Variants in ABCC5 observed in about 807,000 individuals in gnomAD.
The protein encoded by ABCC5 is ATP binding cassette subfamily C member 5, also known as ATP-binding cassette sub-family C member 5.
ABCC5 carries 61 observed loss-of-function variants against 160.9 expected under a neutral mutation model. That is an observed-to-expected ratio of 0.38 (90% CI 0.31 to 0.47). The LOEUF (loss-of-function observed/expected upper bound fraction) is 0.47. ABCC5 is among the 20% of genes least tolerant of loss of function. The pLI is 0.99. For synonymous variants in ABCC5, 666 were observed against 700.6 expected (o/e 0.95, Z 0.78); for missense variants, 1,308 against 1,813.3 (o/e 0.72, Z 5.06).
chr3:183,984,619 G>C, intron 5 of ABCC5: 1 of 1,407,234 alleles, frequency 7.1e-7, no homozygotes, highest in Non-Finnish European at 9.2e-7. Flanking sequence ...GATCAAATAG[G>C]AGACTTCAGA....
At chr3:183,926,157 T>TTC (rs1342964640) in intron 28 of ABCC5, among the ~76,000 whole-genome samples, 1 of 150,074 alleles carries the variant, frequency 6.7e-6, no homozygotes, top group Non-Finnish European at 1.5e-5. Context: ...TTTTTTTTTT[T>TTC]TCTAAGAAAG....
intron 2 of ABCC5, among the ~76,000 whole-genome samples, chr3:183,991,901 C>T (rs1445855280): frequency 6.6e-6 from 1 of 152,158 alleles, no homozygotes; most frequent in African/African-American, 2.4e-5. Flanking sequence ...ACTAAAAATA[C>T]AAGCACACCT....
intron 8 of ABCC5, among the ~76,000 whole-genome samples, chr3:183,979,001 A>T (rs73046594): frequency 5.8e-4 from 88 of 152,318 alleles, no homozygotes; most frequent in African/African-American, 2.1e-3. Flanking sequence ...TTTTTGCCTA[A>T]GGAATTAATA....
intron 10 of ABCC5, among the ~76,000 whole-genome samples, chr3:183,972,835 G>A (rs1717885921): frequency 6.6e-6 from 1 of 151,902 alleles, no homozygotes; most frequent in South Asian, 2.1e-4. Context: ...TTGTAGAGAT[G>A]GGGTTTCACT....
At chr3:184,000,746 T>C (rs907847253) in intron 2 of ABCC5, 1 of 152,888 alleles carries the variant, frequency 6.5e-6, no homozygotes, top group Non-Finnish European at 1.5e-5. Context: ...ATACTCTGTG[T>C]CTCCATAATT....
At chr3:183,975,128 C>T (rs538399710) in intron 10 of ABCC5, among the ~76,000 whole-genome samples, 69 of 152,230 alleles carry the variant, frequency 4.5e-4, no homozygotes, top group Non-Finnish European at 7.8e-4. Flanking sequence ...ATCCCAGGAA[C>T]AGTTCTGTTG....
At chr3:183,927,057 ATCT>A (rs1484951600) in intron 28 of ABCC5, among the ~76,000 whole-genome samples, 3 of 152,220 alleles carry the variant, frequency 2.0e-5, no homozygotes, top group Admixed American at 2.0e-4. Flanking sequence ...AAAAAAAAAA[ATCT>A]TCTATGTCTA....
At chr3:183,961,772 C>T in intron 15 of ABCC5, 118 bp from the exon 16 acceptor site, 1 of 1,290,932 alleles carries the variant, frequency 7.7e-7, no homozygotes, top group Non-Finnish European at 1.1e-6. Context: ...AGACATTTGG[C>T]AGCATCTGGA....
At chr3:183,957,938 G>A (rs1400633622) in intron 17 of ABCC5, among the ~76,000 whole-genome samples, 34 of 108,632 alleles carry the variant, frequency 3.1e-4, no homozygotes, top group East Asian at 9.5e-4. Flanking sequence ...GGTTACATGC[G>A]GATCCGTGTG....
intron 27 of ABCC5, chr3:183,927,867 A>G: frequency 2.1e-6 from 2 of 962,978 alleles, no homozygotes; most frequent in Non-Finnish European, 2.5e-6. Flanking sequence ...TCAAATGAGA[A>G]GAATCCCGAT....
At chr3:183,942,278 C>A (rs184601395) in intron 25 of ABCC5, among the ~76,000 whole-genome samples, 1 of 152,284 alleles carries the variant, frequency 6.6e-6, no homozygotes, top group East Asian at 1.9e-4. Context: ...AGGTGATCCA[C>A]CCGCCTCGCC....
At chr3:183,936,442 T>G (rs1159952513) in intron 26 of ABCC5, among the ~76,000 whole-genome samples, 1 of 152,154 alleles carries the variant, frequency 6.6e-6, no homozygotes, top group Non-Finnish European at 1.5e-5. Context: ...GTCTGAACAC[T>G]GCCTATGATT....
rs1406190401 is a variant in ABCC5 at position 183,947,387 on chromosome 3, G to T, written c.3351C>A (p.Ile1117=). 1 of 1,613,538 alleles carries T rather than the reference G, an allele frequency of 6.2e-7. No individual in the cohort carries two copies. The highest frequency in any genetic ancestry group is 1.3e-5 in the African/African-American group (1 of 74,824). ...GGGGAATCTGCCCGTGCATAAGAAC[G>T]ATCATCAGCCCCGTGGTGGTGATGA... ...IALITTTGLM[I]VLMHGQIPPA... Residue 1117 remains isoleucine (I), a synonymous_variant, in exon 23 of 30, where the codon ATC becomes ATA. Coordinates refer to ENST00000334444, the MANE Select transcript of ABCC5 (RefSeq NM_005688.4).
chr3:183,954,167 A>G (rs2108801310), intron 17 of ABCC5, among the ~76,000 whole-genome samples: 1 of 148,644 alleles, frequency 6.7e-6, no homozygotes, highest in Non-Finnish European at 1.5e-5. Context: ...TTTTTTTTTG[A>G]GATAGAGTCT....
chr3:183,973,679 A>C (rs1717968509), intron 10 of ABCC5, among the ~76,000 whole-genome samples: 1 of 152,166 alleles, frequency 6.6e-6, no homozygotes, highest in East Asian at 1.9e-4. Flanking sequence ...ATGATTCTAA[A>C]CTTCTGAGAT....
chr3:183,977,502 G>A lies in ABCC5; in HGVS notation c.1404+15C>T. On this transcript the variant is annotated intron_variant, in intron 10 of 29. Transcript: ENST00000334444. ...GAGGGCTCCTGACACGGGGGCAGGGGAAGGAGCCACTTACCTTAAATCTGT... is the reference window on the plus strand; with the variant it reads ...GAGGGCTCCTGACACGGGGGCAGGGAAAGGAGCCACTTACCTTAAATCTGT... The A allele has an allele frequency of 6.3e-7, 1 of 1,582,586 alleles. No individual in the cohort carries two copies. The highest frequency in any genetic ancestry group is 1.3e-5 in the African/African-American group (1 of 74,352).
chr3:183,974,529 G>A (rs1376390862), intron 10 of ABCC5, among the ~76,000 whole-genome samples: 6 of 152,120 alleles, frequency 3.9e-5, no homozygotes, highest in African/African-American at 7.2e-5. Flanking sequence ...GGCTGGTCTC[G>A]AACTCCTGGC....
chr3:183,982,325 T>C lies in ABCC5; in HGVS notation c.999+126A>G. 1 of 1,104,256 alleles carries C rather than the reference T, an allele frequency of 9.1e-7. No individual in the cohort carries two copies. The highest frequency in any genetic ancestry group is 1.3e-6 in the Non-Finnish European group (1 of 781,286). 68.4% of individuals were successfully genotyped at this position (1,104,256 alleles called of 1,614,324 possible). The stretch of plus-strand genomic sequence containing the variant: ...AGAGCAAGCACTATCGAGCTCTAGA[T>C]TGAACCTGCTTTGAGGAAATTTCCA... On this transcript the variant is annotated intron_variant, in intron 7 of 29. Transcript: ENST00000334444. This position sits in a 1 kb window ranked among gnomAD's most constrained non-coding sequence, Gnocchi z 5.2.
intron 2 of ABCC5, among the ~76,000 whole-genome samples, chr3:184,006,951 A>C: frequency 6.6e-6 from 1 of 151,606 alleles, no homozygotes; most frequent in East Asian, 1.9e-4. Context: ...TTTTGAGAGA[A>C]GGGGAAAAAA....
Sources: gnomAD v4.1 joint callset for allele counts (sites outside exome capture counted in the v4.1 genomes callset) on GRCh38, gnomAD v4.1.1 for gene constraint, Gnocchi (gnomAD v3.1) non-coding constraint, MANE v1.5 for transcripts, NCBI Gene and HGNC (gene_info 2026-07-23, HGNC 2026-07-21) for gene names.